RYR2: variants seen among roughly 807,000 people sequenced by gnomAD.
The protein encoded by RYR2 is cardiac muscle ryanodine receptor-calcium release channel.
In RYR2, 227 loss-of-function variants were observed where a neutral mutation model predicts 601.1. The ratio of observed to expected loss-of-function variants is 0.38; its 90% CI spans 0.34 to 0.42. RYR2 has a LOEUF of 0.42. RYR2 is among the 10% of genes least tolerant of loss of function. The probability of loss-of-function intolerance (pLI) is 1.00; values close to 1 mark genes in which losing one functional copy is unlikely to be tolerated. For missense variants in RYR2, 4,646 were observed against 6,156.5 expected (o/e 0.75, Z 8.21); for synonymous variants, 2,223 against 2,175.1 (o/e 1.02, Z -0.61).
At chr1:237,786,602 G>A (rs1016655618) in intron 91 of RYR2, among the ~76,000 whole-genome samples, 3 of 152,170 alleles carry the variant, frequency 2.0e-5, no homozygotes, top group African/African-American at 2.4e-5. Context: ...ACACTCCTGG[G>A]ATCAACGCAG....
chr1:237,060,888 G>A (rs915457835), intron 1 of RYR2, among the ~76,000 whole-genome samples: 2 of 152,150 alleles, frequency 1.3e-5, no homozygotes, highest in African/African-American at 4.8e-5. Flanking sequence ...TGAAATAAGG[G>A]TATGTATACA....
chr1:237,536,703 A>G (rs1285527439), intron 25 of RYR2, among the ~76,000 whole-genome samples: 2 of 115,428 alleles, frequency 1.7e-5, no homozygotes, highest in African/African-American at 6.9e-5. Context: ...CGACAGAGCG[A>G]GATTCCGTCT....
intron 37 of RYR2, among the ~76,000 whole-genome samples, chr1:237,616,287 A>T (rs976018800): frequency 7.2e-5 from 11 of 152,170 alleles, no homozygotes; most frequent in Non-Finnish European, 5.9e-5. Context: ...AGATTTTTTT[A>T]AAAATTTGGC....
intron 25 of RYR2, among the ~76,000 whole-genome samples, chr1:237,544,957 A>G (rs1669645293): frequency 6.6e-6 from 1 of 152,230 alleles, no homozygotes; most frequent in African/African-American, 2.4e-5. Context: ...AGGTGGAAAT[A>G]AAAAGGTTCA....
chr1:237,180,602 A>G lies in RYR2; in HGVS notation c.49-89895A>G, dbSNP rs1053767968. ...TGTGTATATATGTATATATAAGTAT[A>G]TATATGTATATATGTATATATGTAT... On this transcript the variant is annotated intron_variant, in intron 1 of 104. Coordinates refer to ENST00000366574, the MANE Select transcript of RYR2 (RefSeq NM_001035.3). The surrounding 1 kb of genome is among the most constrained non-coding windows in gnomAD (Gnocchi z 5.3). Among the ~76,000 whole-genome samples the G allele has an allele frequency of 3.8e-5, 3 of 79,352 alleles. No individual in the cohort carries two copies. Among genetic ancestry groups the G allele is most frequent in the African/African-American group, 1.2e-4 (2 of 16,716 alleles). The allele number at this position is 79,352 out of a possible 152,430, so 52.1% of individuals were successfully genotyped here.
chr1:237,096,046 C>T (rs774013310), intron 1 of RYR2, among the ~76,000 whole-genome samples: 3 of 152,014 alleles, frequency 2.0e-5, no homozygotes, highest in Non-Finnish European at 2.9e-5. Context: ...GAGACTATCA[C>T]GGGAAAATGA....
At chr1:237,696,596 A>G (rs1687463049) in intron 63 of RYR2, among the ~76,000 whole-genome samples, 1 of 149,568 alleles carries the variant, frequency 6.7e-6, no homozygotes, top group Non-Finnish European at 1.5e-5. Context: ...AATTACTAAT[A>G]GGCCCATCAC....
At chr1:237,454,178 G>T (rs1658520706) in intron 14 of RYR2, among the ~76,000 whole-genome samples, 2 of 152,108 alleles carry the variant, frequency 1.3e-5, no homozygotes, top group Non-Finnish European at 2.9e-5. Flanking sequence ...TGGGTGAGTG[G>T]CCGTGGATAC....
At chr1:237,410,722 A>G (rs989114005) in intron 10 of RYR2, among the ~76,000 whole-genome samples, 3 of 152,106 alleles carry the variant, frequency 2.0e-5, no homozygotes, top group African/African-American at 7.2e-5. Context: ...CCACCCTTTC[A>G]TGGTGGCAAT....
chr1:237,109,595 G>T (rs1669199376), intron 1 of RYR2, among the ~76,000 whole-genome samples: 1 of 152,180 alleles, frequency 6.6e-6, no homozygotes, highest in Non-Finnish European at 1.5e-5. Flanking sequence ...CCTGTGGGTG[G>T]TGCATGGGCA....
intron 1 of RYR2, among the ~76,000 whole-genome samples, chr1:237,232,263 C>T (rs146055600): frequency 1.3e-3 from 192 of 152,224 alleles, no homozygotes; most frequent in African/African-American, 4.5e-3. Context: ...TTCAGCCCCA[C>T]CCCCAACACC....
intron 14 of RYR2, among the ~76,000 whole-genome samples, chr1:237,447,637 T>C (rs1657533348): frequency 6.6e-6 from 1 of 152,208 alleles, no homozygotes; most frequent in African/African-American, 2.4e-5. Context: ...CTCTCTTTTT[T>C]CTAACTTTAT....
chr1:237,197,862 T>C (rs75324619), intron 1 of RYR2, among the ~76,000 whole-genome samples: 1,695 of 152,286 alleles, frequency 0.011, 48 homozygotes, highest in East Asian at 0.092. Context: ...GGTAGTTGGA[T>C]TGATCTAAGG....
intron 100 of RYR2, among the ~76,000 whole-genome samples, chr1:237,814,968 T>TC (rs1661648965): frequency 7.8e-6 from 1 of 128,166 alleles, no homozygotes; most frequent in African/African-American, 3.1e-5. Flanking sequence ...CTTTTTTCTT[T>TC]TTTTTTTTTT....
chr1:237,448,381 C>T (rs149117318), intron 14 of RYR2, among the ~76,000 whole-genome samples: 14 of 152,180 alleles, frequency 9.2e-5, no homozygotes, highest in African/African-American at 3.1e-4. Context: ...TGAGACTGAT[C>T]GCTTTGAAAT....
At chr1:237,705,970 G>T in intron 67 of RYR2, among the ~76,000 whole-genome samples, 1 of 152,142 alleles carries the variant, frequency 6.6e-6, no homozygotes, top group Non-Finnish European at 1.5e-5. Flanking sequence ...TTCAGCAAGG[G>T]CTGGGCGCAG....
chr1:237,048,867 C>T lies in RYR2; in HGVS notation c.48+6298C>T, dbSNP rs144417760. Among the ~76,000 whole-genome samples, 59 of 152,316 alleles carry T rather than the reference C, an allele frequency of 3.9e-4. 1 individual carries two copies. In the East Asian group the frequency reaches 8.5e-3, roughly 22 times the overall value. Reference sequence around the variant, plus strand: ...GATCGGGACAAGAGAAAGGATCCTCCTGCCCACAAGTTTAATGTGAACATC... The same window carrying T: ...GATCGGGACAAGAGAAAGGATCCTCTTGCCCACAAGTTTAATGTGAACATC... On this transcript the variant is annotated intron_variant, in intron 1 of 104. Transcript: ENST00000366574.
At chr1:237,418,858 A>T (rs1705272779) in intron 11 of RYR2, among the ~76,000 whole-genome samples, 1 of 152,054 alleles carries the variant, frequency 6.6e-6, no homozygotes, top group Non-Finnish European at 1.5e-5. Context: ...GATCAAATCT[A>T]CCTAAATATT....
At chr1:237,533,979 T>C (rs968045178) in intron 25 of RYR2, among the ~76,000 whole-genome samples, 2 of 152,128 alleles carry the variant, frequency 1.3e-5, no homozygotes, top group Non-Finnish European at 2.9e-5. Context: ...TAAATCCAGA[T>C]ACACCATTAG....
Sources: allele counts gnomAD v4.1 joint callset (sites outside exome capture counted in the v4.1 genomes callset), GRCh38; gene constraint gnomAD v4.1.1; non-coding constraint Gnocchi (gnomAD v3.1); transcripts MANE v1.5; gene names NCBI Gene and HGNC (gene_info 2026-07-23, HGNC 2026-07-21).